FBXO25: variants seen among roughly 807,000 people sequenced by gnomAD.
FBXO25 encodes F-box protein 25, also known as F-box only protein 25.
FBXO25 carries 45 observed loss-of-function variants against 51.9 expected under a neutral mutation model. The ratio of observed to expected loss-of-function variants is 0.87; its 90% CI spans 0.68 to 1.11. The LOEUF is 1.11. Among genes scored for constraint, FBXO25 ranks in the 50% most tolerant of loss-of-function variants. FBXO25 has a pLI of 0.00. For synonymous variants in FBXO25, 199 were observed against 151.0 expected (o/e 1.32, Z -2.33); for missense variants, 507 against 428.5 (o/e 1.18, Z -1.62).
intron 6 of FBXO25, among the ~76,000 whole-genome samples, chr8:450,414 T>C (rs190398705): frequency 1.3e-5 from 2 of 152,354 alleles, no homozygotes; most frequent in African/African-American, 4.8e-5. Context: ...GATTGTGACT[T>C]ACTCACTTAG....
At chr8:452,705 A>G (rs1400955997) in intron 7 of FBXO25, among the ~76,000 whole-genome samples, 1 of 152,218 alleles carries the variant, frequency 6.6e-6, no homozygotes, top group Non-Finnish European at 1.5e-5. Context: ...CTGGCTGGGA[A>G]GTTCCAGGTA....
At chr8:418,777 G>C (rs1222720615) in intron 2 of FBXO25, among the ~76,000 whole-genome samples, 2 of 152,142 alleles carry the variant, frequency 1.3e-5, no homozygotes, top group Non-Finnish European at 2.9e-5. Context: ...AGAAATCAAA[G>C]TTTTTTTAAC....
rs930695073 is a variant in FBXO25, at chr8:470,780, A to G, written c.*1976A>G. Reference sequence around the variant, plus strand: ...TTCTTTTTCTGTTGGTGCTGTTTTAATAAGTGAAGAATTTGATGTATGATA... The same window carrying G: ...TTCTTTTTCTGTTGGTGCTGTTTTAGTAAGTGAAGAATTTGATGTATGATA... On this transcript the variant is annotated 3_prime_UTR_variant, in exon 10 of 10. Transcript: ENST00000350302. The G allele has an allele frequency of 9.9e-5, 15 of 152,200 alleles. No homozygotes were observed. Among genetic ancestry groups the G allele is most frequent in the African/African-American group, 3.6e-4 (15 of 41,444 alleles). 9.4% of individuals were successfully genotyped at this position (152,200 alleles called of 1,614,324 possible).
chr8:470,869 T>C lies in FBXO25; in HGVS notation c.*2065T>C, dbSNP rs1388334976. The C allele has an allele frequency of 1.3e-5, 2 of 152,236 alleles. No individual in the cohort carries two copies. The highest frequency in any genetic ancestry group is 2.9e-5 in the Non-Finnish European group (2 of 68,028). The allele number at this position is 152,236 out of a possible 1,614,324, so 9.4% of individuals were successfully genotyped here. On this transcript the variant is annotated 3_prime_UTR_variant, in exon 10 of 10. Transcript: ENST00000350302. ...TTTGCTTTTCTTGTTTTTGGTAAATTACTTAATGTGGTATTTGCCTGTTTT... is the reference window on the plus strand; with the variant it reads ...TTTGCTTTTCTTGTTTTTGGTAAATCACTTAATGTGGTATTTGCCTGTTTT...
At chr8:454,162 C>G (rs1217362201) in intron 7 of FBXO25, among the ~76,000 whole-genome samples, 2 of 152,206 alleles carry the variant, frequency 1.3e-5, no homozygotes, top group East Asian at 3.8e-4. Flanking sequence ...AATCTAAATA[C>G]TCATAGTCCC....
chr8:467,124 G>C lies in FBXO25; in HGVS notation c.988-1591G>C, dbSNP rs533576933. Among the ~76,000 whole-genome samples, 6 of 152,240 alleles carry C rather than the reference G, an allele frequency of 3.9e-5. No homozygotes were observed. The East Asian group carries it at 9.7e-4, about 25-fold the overall frequency. On this transcript the variant is annotated intron_variant, in intron 9 of 9. Coordinates refer to ENST00000350302, the MANE Select transcript of FBXO25 (RefSeq NM_183420.2). ...GTGGTCCTGGTCTTGCAGGGGAACCGCTTTGCTAGTAGCATCCTGAACCAG... is the reference window on the plus strand; with the variant it reads ...GTGGTCCTGGTCTTGCAGGGGAACCCCTTTGCTAGTAGCATCCTGAACCAG...
In FBXO25 at chr8:463,083, AC is replaced by A; in HGVS notation, c.923del (p.Pro308GlnfsTer63). ...KLMYFALQKH[Y>X]PAKEQYGDTL... ...ATGTACTTTGCACTTCAGAAACATT[AC>A]CCAGCGAAGGAGCAGTACGGAGACA... On this transcript the variant is annotated frameshift_variant, in exon 9 of 10. Coordinates refer to ENST00000350302, the MANE Select transcript of FBXO25 (RefSeq NM_183420.2). LOFTEE classifies it high-confidence loss of function. 1 of 1,614,032 alleles carries A rather than the reference AC, an allele frequency of 6.2e-7. No individual in the cohort carries two copies. Among genetic ancestry groups the A allele is most frequent in the South Asian group, 1.1e-5 (1 of 90,998 alleles).
intron 2 of FBXO25, among the ~76,000 whole-genome samples, chr8:414,248 C>G (rs1347443267): frequency 6.6e-6 from 1 of 152,180 alleles, no homozygotes; most frequent in Admixed American, 6.5e-5. Context: ...AGCTGTAAAA[C>G]TTATTTAAAG....
At chr8:433,307 C>T (rs944845159) in intron 4 of FBXO25, among the ~76,000 whole-genome samples, 4 of 151,998 alleles carry the variant, frequency 2.6e-5, no homozygotes, top group African/African-American at 9.7e-5. Flanking sequence ...TGTGTGGTTC[C>T]TGCCTACCTG....
chr8:425,443 G>A (rs1351553395), intron 2 of FBXO25, among the ~76,000 whole-genome samples: 1 of 148,664 alleles, frequency 6.7e-6, no homozygotes, highest in African/African-American at 2.5e-5. Context: ...GTTTGTTTTG[G>A]TTGATTATTT....
At position 426,958 on chromosome 8, in the gene FBXO25, A is replaced by G. The variant is rs149020869; in HGVS notation, c.135-4383A>G. On this transcript the variant is annotated intron_variant, in intron 2 of 9. Transcript: ENST00000350302. Reference sequence around the variant, plus strand: ...GTTTCACATCTTTTTTTTAACTTATATAAAATTGACTGGACTTTCTCTTCT... The same window carrying G: ...GTTTCACATCTTTTTTTTAACTTATGTAAAATTGACTGGACTTTCTCTTCT... Among the ~76,000 whole-genome samples the G allele has an allele frequency of 9.7e-3, 1,481 of 152,238 alleles. 13 individuals are homozygous for G. Among genetic ancestry groups the G allele is most frequent in the African/African-American group, 0.033 (1,387 of 41,546 alleles).
In FBXO25 at chr8:431,393, G is replaced by T. The variant is rs1797812875; in HGVS notation, c.187G>T (p.Ala63Ser). 5.8e-6 allele frequency: 9 copies of T among 1,554,194 alleles called. No homozygotes were observed. Among genetic ancestry groups the T allele is most frequent in the Non-Finnish European group, 4.3e-6 (5 of 1,149,928 alleles). ...ATTCAATAATGAAGAGCATGAATAT[G>T]CATCGAAAAAAAGGAAAAAGGACCA... is the stretch of plus-strand genomic sequence containing the variant. ...EIFNNEEHEY[A>S]SKKRKKDHFR... Residue 63 changes from alanine (A) to serine (S), a missense_variant, in exon 3 of 10, where the codon GCA (alanine) becomes TCA (serine). Physicochemically the swap from Ala to Ser is moderately conservative, Grantham distance 99 (BLOSUM62 1). Coordinates refer to ENST00000350302, the MANE Select transcript of FBXO25 (RefSeq NM_183420.2).
At chr8:461,919 T>C (rs549756405) in intron 8 of FBXO25, among the ~76,000 whole-genome samples, 4 of 152,368 alleles carry the variant, frequency 2.6e-5, no homozygotes, top group African/African-American at 9.6e-5. Context: ...TTTAGTTTGT[T>C]TGATAAAAGT....
chr8:418,829 A>T (rs1247227207), intron 2 of FBXO25, among the ~76,000 whole-genome samples: 1 of 152,178 alleles, frequency 6.6e-6, no homozygotes, highest in East Asian at 1.9e-4. Context: ...TTTCAACTGG[A>T]TAAACGTGCA....
intron 1 of FBXO25, among the ~76,000 whole-genome samples, chr8:411,284 C>T (rs1796470884): frequency 6.6e-6 from 1 of 152,164 alleles, no homozygotes; most frequent in Non-Finnish European, 1.5e-5. Context: ...ATAACATTTT[C>T]GTCTCTGTCG....
chr8:418,876 G>A (rs1423134915), intron 2 of FBXO25, among the ~76,000 whole-genome samples: 2 of 152,102 alleles, frequency 1.3e-5, no homozygotes, highest in East Asian at 3.9e-4. Context: ...TCTTACTGTG[G>A]ACATAGCATT....
At position 477,386 on chromosome 8, in the gene FBXO25, C is replaced by T. The variant is rs553091560; in HGVS notation, c.*8582C>T. On this transcript the variant is annotated 3_prime_UTR_variant, in exon 10 of 10. Transcript: ENST00000350302. The stretch of plus-strand genomic sequence containing the variant: ...TCTCCTACTCTTACTGTAGAACTAT[C>T]CATTTCTTCCTTTGATTCTGTCAAT... 4.6e-4 allele frequency: 70 copies of T among 152,334 alleles called. No individual in the cohort carries two copies. Among genetic ancestry groups the T allele is most frequent in the African/African-American group, 1.5e-3 (64 of 41,564 alleles). The allele number at this position is 152,334 out of a possible 1,614,324, so 9.4% of individuals were successfully genotyped here.
chr8:441,336 G>T (rs28848589), intron 5 of FBXO25, among the ~76,000 whole-genome samples: 2 of 152,102 alleles, frequency 1.3e-5, no homozygotes, highest in East Asian at 1.9e-4. Flanking sequence ...AAACTGGACC[G>T]CTTCCTTACA....
intron 7 of FBXO25, among the ~76,000 whole-genome samples, chr8:456,015 G>A (rs567960564): frequency 2.2e-4 from 34 of 152,042 alleles, no homozygotes; most frequent in Non-Finnish European, 3.8e-4. Flanking sequence ...TTTTTTCTTC[G>A]TACTACCTTC....
Sources: gnomAD v4.1 joint callset for allele counts (sites outside exome capture counted in the v4.1 genomes callset) on GRCh38, gnomAD v4.1.1 for gene constraint, MANE v1.5 for transcripts, NCBI Gene and HGNC (gene_info 2026-07-23, HGNC 2026-07-21) for gene names.